The following ZNF350 variants were observed in gnomAD, a reference collection of about 807,000 sequenced individuals.
ZNF350 encodes the protein zinc finger protein 350, also known as KRAB zinc finger protein ZFQR.
A neutral mutation model predicts 13.1 loss-of-function variants in ZNF350; 5 were observed. That is an observed-to-expected ratio of 0.38 (90% CI 0.20 to 0.80). The LOEUF (loss-of-function observed/expected upper bound fraction) is 0.80, where lower values mean the gene tolerates loss of function less well. Among genes scored for constraint, ZNF350 ranks in the 30% least tolerant of loss-of-function variants. ZNF350 has a pLI of 0.43. For missense variants in ZNF350, 534 were observed against 644.2 expected (o/e 0.83, Z 1.85); for synonymous variants, 199 against 224.2 (o/e 0.89, Z 1.00).
chr19:51,965,809 A>T lies in ZNF350; in HGVS notation c.644T>A (p.Phe215Tyr), dbSNP rs757081169. ...HHVCSECGKA[F>Y]IKKSWLTDHQ... Reference sequence around the variant, plus strand: ...ATCAGTTAGCCAAGACTTCTTGATGAAGGCTTTCCCACATTCACTGCACAC... The same window carrying T: ...ATCAGTTAGCCAAGACTTCTTGATGTAGGCTTTCCCACATTCACTGCACAC... Residue 215 changes from phenylalanine to tyrosine, a missense_variant, in exon 5 of 5, where the codon TTC (phenylalanine) becomes TAC (tyrosine). Transcript: ENST00000243644. 7 of 1,613,858 alleles carry T rather than the reference A, an allele frequency of 4.3e-6. No individual in the cohort carries two copies. The highest frequency in any genetic ancestry group is 4.5e-5 in the East Asian group (2 of 44,838).
chr19:51,965,835 A>G lies in ZNF350; in HGVS notation c.618T>C (p.His206=). ...AGGCTTTCCCACATTCACTGCACAC[A>G]TGATGCTTCTCTAATTTTCGTGTTT... ...HQKTRKLEKH[H]VCSECGKAFI... is the part of the protein sequence containing the mutation. Residue 206 remains histidine, a synonymous_variant, in exon 5 of 5, where the codon CAT becomes CAC. Transcript: ENST00000243644. The G allele has an allele frequency of 6.2e-7, 1 of 1,614,172 alleles. No individual in the cohort carries two copies. The highest frequency in any genetic ancestry group is 2.2e-5 in the East Asian group (1 of 44,876).
chr19:51,983,313 T>G (rs1027349694), intron 1 of ZNF350, among the ~76,000 whole-genome samples: 7 of 152,152 alleles, frequency 4.6e-5, no homozygotes, highest in Non-Finnish European at 8.8e-5. Context: ...CTCCCACTGA[T>G]ACAGCCTGAG....
At chr19:51,977,461 G>A (rs554339151) in intron 1 of ZNF350, among the ~76,000 whole-genome samples, 40 of 152,284 alleles carry the variant, frequency 2.6e-4, no homozygotes, top group Non-Finnish European at 4.0e-4. Flanking sequence ...TGCTGGACAC[G>A]GAGACATTAC....
chr19:51,982,877 G>A (rs1384945571), intron 1 of ZNF350, among the ~76,000 whole-genome samples: 1 of 152,182 alleles, frequency 6.6e-6, no homozygotes, highest in African/African-American at 2.4e-5. Flanking sequence ...CAGGGAAGTA[G>A]ATAAAAGCTG....
At chr19:51,975,467 A>G (rs2085867359) in intron 1 of ZNF350, among the ~76,000 whole-genome samples, 1 of 146,908 alleles carries the variant, frequency 6.8e-6, no homozygotes. Context: ...TAATTGTTTT[A>G]AAGTACGTAA....
intron 2 of ZNF350, among the ~76,000 whole-genome samples, chr19:51,970,053 T>G (rs1476767135): frequency 1.4e-5 from 2 of 140,980 alleles, no homozygotes; most frequent in Non-Finnish European, 3.0e-5. Flanking sequence ...ACACTACGCC[T>G]GGCTAATTTT....
At chr19:51,981,257 A>ACC (rs35435027) in intron 1 of ZNF350, 90,203 of 146,886 alleles carry the variant, frequency 0.61, 28,341 homozygotes, top group African/African-American at 0.73. Context: ...CCCTTCTTCC[A>ACC]CCCCCCCACC....
Position 51,965,204 on chromosome 19 carries a change from G to A in ZNF350, c.1249C>T (p.Leu417=), listed in dbSNP as rs2085530260. The change falls in exon 5 of 5, where the codon CTG becomes TTG. Residue 417 remains leucine, a synonymous_variant. Coordinates refer to ENST00000243644, the MANE Select transcript of ZNF350 (RefSeq NM_021632.4). ...GTGTGTATTCTCTTATGCTTAACCAGACACGACATATACGCAAACGCTTTC... is the reference window on the plus strand; with the variant it reads ...GTGTGTATTCTCTTATGCTTAACCAAACACGACATATACGCAAACGCTTTC... ...CGKAFAYMSC[L]VKHKRIHTRE... 1 of 1,614,010 alleles carries A rather than the reference G, an allele frequency of 6.2e-7. No individual in the cohort carries two copies. Among genetic ancestry groups the A allele is most frequent in the Admixed American group, 1.7e-5 (1 of 60,002 alleles).
intron 2 of ZNF350, among the ~76,000 whole-genome samples, chr19:51,971,017 T>A (rs955627040): frequency 2.0e-5 from 3 of 152,174 alleles, no homozygotes; most frequent in Admixed American, 2.0e-4. Context: ...CTGAAAGGCA[T>A]GGCTGGCAAA....
At position 51,964,831 on chromosome 19, in the gene ZNF350, C is replaced by G. The variant is rs375018177; in HGVS notation, c.*23G>C. 1.3e-5 allele frequency: 21 copies of G among 1,584,730 alleles called. No homozygotes were observed. Among genetic ancestry groups the G allele is most frequent in the Non-Finnish European group, 1.7e-5 (20 of 1,163,438 alleles). On this transcript the variant is annotated 3_prime_UTR_variant, in exon 5 of 5. Coordinates refer to ENST00000243644, the MANE Select transcript of ZNF350 (RefSeq NM_021632.4). ...CTACAAATTTTTGCTCAACCCTTTT[C>G]CACATAGATCTGAGTTTTCTTCCTA...
At position 51,965,323 on chromosome 19, in the gene ZNF350, C is replaced by T. The variant is rs2122860076; in HGVS notation, c.1130G>A (p.Ser377Asn). The stretch of plus-strand genomic sequence containing the variant: ...TGTGCTAAAGGCTTTCCCACATTCA[C>T]TACATTCAAAGGGTTTCTCTCCTGT... Reference protein sequence around the residue: ...IHTGEKPFECSECGKAFSTKQ... With the variant: ...IHTGEKPFECNECGKAFSTKQ... Residue 377 changes from serine to asparagine, a missense_variant, in exon 5 of 5, where the codon AGT becomes AAT. Coordinates refer to ENST00000243644, the MANE Select transcript of ZNF350 (RefSeq NM_021632.4). 2 of 1,614,020 alleles carry T rather than the reference C, an allele frequency of 1.2e-6. No homozygotes were observed. Among genetic ancestry groups the T allele is most frequent in the Non-Finnish European group, 1.7e-6 (2 of 1,179,884 alleles).
At chr19:51,974,182 C>A in intron 2 of ZNF350, 164 bp downstream of exon 2, 1 of 642,346 alleles carries the variant, frequency 1.6e-6, no homozygotes, top group Admixed American at 3.0e-5. Flanking sequence ...TATTCCTTAT[C>A]CTACTATTTT....
intron 1 of ZNF350, among the ~76,000 whole-genome samples, chr19:51,982,916 C>T (rs944623869): frequency 5.3e-5 from 8 of 152,238 alleles, no homozygotes; most frequent in African/African-American, 1.7e-4. Context: ...CTAAGGGCGC[C>T]GTGGCTCACG....
chr19:51,979,075 G>A (rs534000564), intron 1 of ZNF350, among the ~76,000 whole-genome samples: 67 of 152,218 alleles, frequency 4.4e-4, no homozygotes, highest in Admixed American at 7.9e-4. Flanking sequence ...CCTCCTGTAC[G>A]AGCTATGAGT....
intron 1 of ZNF350, among the ~76,000 whole-genome samples, chr19:51,984,839 T>C (rs61583880): frequency 0.041 from 6,047 of 146,838 alleles, 383 homozygotes; most frequent in African/African-American, 0.14. Context: ...CTGATCCTTG[T>C]CATTGAGCAA....
chr19:51,970,445 G>A (rs1171471521), intron 2 of ZNF350, among the ~76,000 whole-genome samples: 1 of 150,972 alleles, frequency 6.6e-6, no homozygotes, highest in Non-Finnish European at 1.5e-5. Flanking sequence ...ATACTATATT[G>A]TTTAGGGAAT....
At chr19:51,985,835 T>C (rs1230375267) in intron 1 of ZNF350, among the ~76,000 whole-genome samples, 1 of 151,958 alleles carries the variant, frequency 6.6e-6, no homozygotes, top group Non-Finnish European at 1.5e-5. Context: ...GGTAAAACCC[T>C]GTCTCTACTA....
intron 4 of ZNF350, among the ~76,000 whole-genome samples, chr19:51,967,792 GGCC>G (rs1448806058): frequency 6.6e-6 from 1 of 152,142 alleles, no homozygotes; most frequent in Non-Finnish European, 1.5e-5. Context: ...ATACCCAGAT[GGCC>G]AAGATTCAGG....
chr19:51,979,635 T>C (rs1307865379), intron 1 of ZNF350, among the ~76,000 whole-genome samples: 1 of 152,226 alleles, frequency 6.6e-6, no homozygotes, highest in South Asian at 2.1e-4. Flanking sequence ...GTCACCCTAA[T>C]TGTGCTGATT....
Sources: allele counts gnomAD v4.1 joint callset (sites outside exome capture counted in the v4.1 genomes callset), GRCh38; gene constraint gnomAD v4.1.1; transcripts MANE v1.5; gene names NCBI Gene and HGNC (gene_info 2026-07-23, HGNC 2026-07-21).